The following TBC1D4 variants were observed in gnomAD, a reference collection of about 807,000 sequenced individuals.
TBC1D4 encodes TBC (Tre-2, BUB2, CDC16) domain-containing protein.
TBC1D4 carries 121 observed loss-of-function variants against 142.5 expected under a neutral mutation model. The ratio of observed to expected loss-of-function variants is 0.85; its 90% confidence interval spans 0.73 to 0.99. The LOEUF is 0.99. Ranked by LOEUF, TBC1D4 falls within the 50% of genes least tolerant of loss-of-function variation. TBC1D4 has a pLI of 0.00. For synonymous variants in TBC1D4, 630 were observed against 628.2 expected, an observed-to-expected ratio of 1.00 and a Z score of -0.04; for missense variants, 1,475 against 1,606.6, an observed-to-expected ratio of 0.92 and a Z score of 1.40.
intron 1 of TBC1D4, among the ~76,000 whole-genome samples, chr13:75,384,711 T>G (rs1417008143): frequency 6.6e-6 from 1 of 152,082 alleles, no homozygotes. Flanking sequence ...ATCTATGAAT[T>G]TGTGGGCTGA....
intron 5 of TBC1D4, among the ~76,000 whole-genome samples, chr13:75,347,768 T>A (rs894892348): frequency 1.8e-4 from 27 of 152,206 alleles, no homozygotes; most frequent in East Asian, 1.9e-4. Context: ...TCCATTTTTT[T>A]AAATGCTTTA....
chr13:75,481,175 A>T, intron 1 of TBC1D4, 95 bp downstream of exon 1: 1 of 1,480,918 alleles, frequency 6.8e-7, no homozygotes, highest in Non-Finnish European at 9.0e-7. Flanking sequence ...GCCAAACCTC[A>T]GTCGGTCCTT....
intron 1 of TBC1D4, among the ~76,000 whole-genome samples, chr13:75,414,545 G>A (rs1029561312): frequency 1.3e-5 from 2 of 152,088 alleles, no homozygotes; most frequent in African/African-American, 4.8e-5. Context: ...GGAAGAATAT[G>A]GGGGGATGTT....
chr13:75,377,629 T>C (rs1883590505), intron 1 of TBC1D4, among the ~76,000 whole-genome samples: 1 of 150,622 alleles, frequency 6.6e-6, no homozygotes, highest in South Asian at 2.1e-4. Context: ...ACTTCACTGA[T>C]AAAGACCAAC....
chr13:75,369,853 T>C (rs1883130424), intron 1 of TBC1D4, among the ~76,000 whole-genome samples: 1 of 152,162 alleles, frequency 6.6e-6, no homozygotes, highest in Non-Finnish European at 1.5e-5. Context: ...TGAGAAGCTA[T>C]GGCTAAATCA....
At chr13:75,301,198 A>C (rs1260602375) in intron 16 of TBC1D4, among the ~76,000 whole-genome samples, 1 of 152,186 alleles carries the variant, frequency 6.6e-6, no homozygotes, top group African/African-American at 2.4e-5. Context: ...AGGAGTACAA[A>C]TAAAGTGGTC....
At chr13:75,312,698 C>A in intron 13 of TBC1D4, 40 bp downstream of exon 13, 1 of 1,613,646 alleles carries the variant, frequency 6.2e-7, no homozygotes, top group Non-Finnish European at 8.5e-7. Context: ...TAATTTCTGA[C>A]ACTCAGAGGG....
At position 75,422,491 on chromosome 13, in the gene TBC1D4, G is replaced by T. The variant is rs547528441; in HGVS notation, c.498+58779C>A. On this transcript the variant is annotated intron_variant, in intron 1 of 20. Coordinates refer to ENST00000377636, the MANE Select transcript of TBC1D4 (RefSeq NM_014832.5). Reference sequence around the variant, plus strand: ...AATGGAAAATTAATTTTGAGTCATAGAAATAACTGGAAATTCATTTTAAAA... The same window carrying T: ...AATGGAAAATTAATTTTGAGTCATATAAATAACTGGAAATTCATTTTAAAA... Among the ~76,000 whole-genome samples the T allele has an allele frequency of 2.0e-4, 31 of 152,292 alleles. No homozygotes were observed. In the East Asian group the frequency reaches 6.0e-3, roughly 29 times the overall value.
rs1203706522 is a variant in TBC1D4 at position 75,359,940 on chromosome 13, T to C, written c.1081-82A>G. 2.7e-6 allele frequency: 3 copies of C among 1,115,484 alleles called. No homozygotes were observed. The Admixed American group carries it at 5.5e-5, about 21-fold the overall frequency. 69.1% of individuals were successfully genotyped at this position (1,115,484 alleles called of 1,614,324 possible). On this transcript the variant is annotated intron_variant, in intron 2 of 20. Coordinates refer to ENST00000377636, the MANE Select transcript of TBC1D4 (RefSeq NM_014832.5). ...TTATAACCAAATATTAAACTAATAATATAGATTCAAATGCAATATCCCAGA... is the reference window on the plus strand; with the variant it reads ...TTATAACCAAATATTAAACTAATAACATAGATTCAAATGCAATATCCCAGA...
chr13:75,348,954 AGTGTGTGTGTGTGTGTGTGT>A (rs55954112), intron 5 of TBC1D4, among the ~76,000 whole-genome samples, 196 bp downstream of exon 5: 560 of 139,166 alleles, frequency 4.0e-3, no homozygotes, highest in Non-Finnish European at 6.6e-3. Flanking sequence ...AGAGAGAGAG[AGTGTGTGTGTGTGTGTGTGT>A]GTGTGTGTGT....
chr13:75,316,913 G>A (rs915609978), intron 12 of TBC1D4, among the ~76,000 whole-genome samples: 2 of 152,096 alleles, frequency 1.3e-5, no homozygotes, highest in Non-Finnish European at 2.9e-5. Context: ...AAAACAACAC[G>A]TGGTGTTTAC....
At chr13:75,430,457 C>G (rs1886550741) in intron 1 of TBC1D4, among the ~76,000 whole-genome samples, 1 of 152,232 alleles carries the variant, frequency 6.6e-6, no homozygotes, top group African/African-American at 2.4e-5. Context: ...TTCAAAATCT[C>G]TTTTGTTTCT....
chr13:75,384,711 T>C (rs1417008143), intron 1 of TBC1D4, among the ~76,000 whole-genome samples: 1 of 152,200 alleles, frequency 6.6e-6, no homozygotes. Flanking sequence ...ATCTATGAAT[T>C]TGTGGGCTGA....
intron 5 of TBC1D4, among the ~76,000 whole-genome samples, chr13:75,347,675 T>C (rs955502509): frequency 1.5e-4 from 23 of 152,240 alleles, no homozygotes; most frequent in African/African-American, 5.5e-4. Context: ...GGATGGCTAA[T>C]TGATCCAACA....
chr13:75,456,686 C>T (rs1164514671), intron 1 of TBC1D4, among the ~76,000 whole-genome samples: 1 of 150,766 alleles, frequency 6.6e-6, no homozygotes, highest in Non-Finnish European at 1.5e-5. Context: ...AGAACTGTCA[C>T]ACATTGCTGG....
At chr13:75,476,940 T>C (rs1888650913) in intron 1 of TBC1D4, among the ~76,000 whole-genome samples, 1 of 152,184 alleles carries the variant, frequency 6.6e-6, no homozygotes, top group African/African-American at 2.4e-5. Flanking sequence ...GCCCTGACAC[T>C]GAACACCTTC....
chr13:75,439,176 A>C lies in TBC1D4; in HGVS notation c.498+42094T>G, dbSNP rs78747340. Among the ~76,000 whole-genome samples the C allele has an allele frequency of 7.7e-4, 117 of 152,292 alleles. No individual in the cohort carries two copies. In the East Asian group the frequency reaches 0.022, roughly 28 times the overall value. On this transcript the variant is annotated intron_variant, in intron 1 of 20. Coordinates refer to ENST00000377636, the MANE Select transcript of TBC1D4 (RefSeq NM_014832.5). ...ATTCCAGTTTATTGATGGCAACTTT[A>C]AGGAAAATTTGCCACATCTAAATTT...
intron 13 of TBC1D4, among the ~76,000 whole-genome samples, chr13:75,311,606 C>T (rs1323138152): frequency 6.6e-6 from 1 of 152,078 alleles, no homozygotes; most frequent in Non-Finnish European, 1.5e-5. Flanking sequence ...CTTTTAACTG[C>T]TCCCTAGATC....
In TBC1D4 at chr13:75,286,553, CA is replaced by C; in HGVS notation, c.*238del. 2.4e-6 allele frequency: 1 copy of C among 409,868 alleles called. No homozygotes were observed. The highest frequency in any genetic ancestry group is 4.3e-6 in the Non-Finnish European group (1 of 230,708). The allele number at this position is 409,868 out of a possible 1,614,324, so 25.4% of individuals were successfully genotyped here. A position where few individuals can be genotyped will look rare whatever the true frequency, so the allele number is the denominator to read the frequency against. Reference sequence around the variant, plus strand: ...TTTATCTGAAAGCATGAACTATGTTCATTTTATATATATATTTATATGTACA... The same window carrying C: ...TTTATCTGAAAGCATGAACTATGTTCTTTTATATATATATTTATATGTACA... On this transcript the variant is annotated 3_prime_UTR_variant, in exon 21 of 21. Coordinates refer to ENST00000377636, the MANE Select transcript of TBC1D4 (RefSeq NM_014832.5).
Sources: allele counts gnomAD v4.1 joint callset (sites outside exome capture counted in the v4.1 genomes callset), GRCh38; gene constraint gnomAD v4.1.1; transcripts MANE v1.5; gene names NCBI Gene and HGNC (gene_info 2026-07-23, HGNC 2026-07-21).